The following CCDC93 variants were observed in gnomAD, a reference collection of about 807,000 sequenced individuals.
CCDC93 encodes the protein CCC complex scaffolding subunit CCDC93.
Under a neutral mutation model 108.2 loss-of-function variants are expected in CCDC93, and 61 were observed. The ratio of observed to expected loss-of-function variants is 0.56; its 90% CI spans 0.46 to 0.70. CCDC93 has a LOEUF of 0.70. Ranked by LOEUF, CCDC93 falls within the 30% of genes least tolerant of loss-of-function variation. CCDC93 has a pLI of 0.00. For synonymous variants in CCDC93, 276 were observed against 260.4 expected (o/e 1.06, Z -0.58); for missense variants, 685 against 764.2 (o/e 0.90, Z 1.22).
intron 11 of CCDC93, among the ~76,000 whole-genome samples, chr2:117,967,898 A>AG (rs917697336): frequency 1.3e-5 from 2 of 152,222 alleles, no homozygotes; most frequent in African/African-American, 4.8e-5. Flanking sequence ...ATAAGCAGGA[A>AG]GGCAGCCTAT....
chr2:118,007,586 T>C (rs1281713880), intron 2 of CCDC93, among the ~76,000 whole-genome samples: 1 of 152,244 alleles, frequency 6.6e-6, no homozygotes, highest in South Asian at 2.1e-4. Context: ...GGAGAATCAC[T>C]TGCATCCCGG....
chr2:117,976,398 C>T (rs1254614490), intron 8 of CCDC93, among the ~76,000 whole-genome samples: 1 of 151,892 alleles, frequency 6.6e-6, no homozygotes, highest in Admixed American at 6.6e-5. Context: ...ACATGATATA[C>T]TCAAATCCAG....
chr2:117,940,557 C>A (rs1678666589), intron 19 of CCDC93, among the ~76,000 whole-genome samples: 1 of 152,136 alleles, frequency 6.6e-6, no homozygotes, highest in Non-Finnish European at 1.5e-5. Flanking sequence ...CTGAGGAGTT[C>A]CTGAAGATTT....
intron 23 of CCDC93, among the ~76,000 whole-genome samples, chr2:117,928,440 G>A (rs966776272): frequency 1.3e-5 from 2 of 152,166 alleles, no homozygotes; most frequent in African/African-American, 4.8e-5. Context: ...CCATCAAAAA[G>A]GGGGCAAAGG....
chr2:117,935,006 A>G (rs1678476540), intron 22 of CCDC93: 1 of 152,238 alleles, frequency 6.6e-6, no homozygotes, highest in Non-Finnish European at 1.5e-5. Context: ...GGCAGAACTC[A>G]GTTCAGCAAT....
At chr2:117,991,046 C>T (rs747669126) in intron 6 of CCDC93, among the ~76,000 whole-genome samples, 1 of 151,460 alleles carries the variant, frequency 6.6e-6, no homozygotes, top group Admixed American at 6.6e-5. Context: ...GGCCACATAA[C>T]CAAAGATGAA....
At chr2:118,012,129 G>T (rs540571657) in intron 1 of CCDC93, among the ~76,000 whole-genome samples, 2 of 152,234 alleles carry the variant, frequency 1.3e-5, no homozygotes, top group South Asian at 4.1e-4. Flanking sequence ...AATGAATTCG[G>T]GCAGGGCAGT....
intron 11 of CCDC93, among the ~76,000 whole-genome samples, chr2:117,969,928 C>T (rs1448652157): frequency 2.0e-5 from 3 of 151,998 alleles, no homozygotes; most frequent in Admixed American, 6.6e-5. Flanking sequence ...AGTCACCTTA[C>T]ATAAGTCCAA....
intron 18 of CCDC93, among the ~76,000 whole-genome samples, 194 bp from the exon 19 acceptor site, chr2:117,941,491 G>C (rs1678700125): frequency 6.6e-6 from 1 of 152,124 alleles, no homozygotes; most frequent in Non-Finnish European, 1.5e-5. Context: ...CTAGGAGTGG[G>C]AGGTGGTGTG....
In CCDC93 at chr2:117,967,157, C is replaced by T. The variant is rs534588847; in HGVS notation, c.888+6751G>A. Among the ~76,000 whole-genome samples, 3 of 152,284 alleles carry T rather than the reference C, an allele frequency of 2.0e-5. No homozygotes were observed. The East Asian group carries it at 5.8e-4, about 29-fold the overall frequency. ...TACAAGCATGTGCCACCACACCCAG[C>T]TAATTTTTGTATTTTAGTAGAGACA... On this transcript the variant is annotated intron_variant, in intron 11 of 23. Coordinates refer to ENST00000376300, the MANE Select transcript of CCDC93 (RefSeq NM_019044.5).
intron 6 of CCDC93, among the ~76,000 whole-genome samples, chr2:117,989,052 G>A (rs1322004768): frequency 6.6e-6 from 1 of 152,136 alleles, no homozygotes; most frequent in Admixed American, 6.5e-5. Context: ...ACAACTATTG[G>A]CTCAAAAGTT....
At chr2:117,985,785 G>A in intron 7 of CCDC93, among the ~76,000 whole-genome samples, 184 bp downstream of exon 7, 1 of 152,184 alleles carries the variant, frequency 6.6e-6, no homozygotes, top group Non-Finnish European at 1.5e-5. Flanking sequence ...TTCCAGAGAG[G>A]AATTGCAAAG....
intron 11 of CCDC93, among the ~76,000 whole-genome samples, chr2:117,959,412 G>C (rs745445456): frequency 6.6e-6 from 1 of 152,140 alleles, no homozygotes; most frequent in Non-Finnish European, 1.5e-5. Context: ...GCTAATCATT[G>C]ATTCTAAACT....
Position 117,958,421 on chromosome 2 carries a change from G to T in CCDC93, c.949C>A (p.Arg317=). ...EKLGTSQLHR[R]KVISLNKQIA... The stretch of plus-strand genomic sequence containing the variant: ...TGTTTGTTCAAGGAAATGACTTTCC[G>T]GCGATGTAGCTGGGAGGTTCCTAAT... Residue 317 remains arginine (R), a synonymous_variant, in exon 12 of 24, where the codon CGG becomes AGG. Coordinates refer to ENST00000376300, the MANE Select transcript of CCDC93 (RefSeq NM_019044.5). 6.2e-7 allele frequency: 1 copy of T among 1,613,840 alleles called. No homozygotes were observed. The highest frequency in any genetic ancestry group is 8.5e-7 in the Non-Finnish European group (1 of 1,179,780).
chr2:118,009,618 G>C (rs1676970546), intron 1 of CCDC93, among the ~76,000 whole-genome samples: 1 of 152,210 alleles, frequency 6.6e-6, no homozygotes, highest in African/African-American at 2.4e-5. Context: ...GTTGCAGTGA[G>C]GTGAGACTGT....
At chr2:117,928,001 A>C (rs1433595754) in intron 23 of CCDC93, among the ~76,000 whole-genome samples, 10 of 152,174 alleles carry the variant, frequency 6.6e-5, no homozygotes, top group Admixed American at 5.2e-4. Context: ...CAAAAACAAG[A>C]AATGGGGAAA....
chr2:117,942,855 C>T (rs1431050638), intron 18 of CCDC93, among the ~76,000 whole-genome samples: 2 of 152,194 alleles, frequency 1.3e-5, no homozygotes, highest in Non-Finnish European at 2.9e-5. Context: ...CTTTGAAAAG[C>T]CCCAAACAGA....
At chr2:117,960,239 A>G (rs1679343959) in intron 11 of CCDC93, among the ~76,000 whole-genome samples, 1 of 152,214 alleles carries the variant, frequency 6.6e-6, no homozygotes, top group Admixed American at 6.5e-5. Flanking sequence ...TACCTGAAAC[A>G]GAACTAATTT....
At chr2:117,985,700 A>T (rs72838028) in intron 7 of CCDC93, among the ~76,000 whole-genome samples, 8,045 of 152,276 alleles carry the variant, frequency 0.053, 287 homozygotes, top group Non-Finnish European at 0.082. Flanking sequence ...AGGGGCATGC[A>T]GGACAGAGTA....
Sources: allele counts gnomAD v4.1 joint callset (sites outside exome capture counted in the v4.1 genomes callset), GRCh38; gene constraint gnomAD v4.1.1; transcripts MANE v1.5; gene names NCBI Gene and HGNC (gene_info 2026-07-23, HGNC 2026-07-21).